LMCD1: variants seen among roughly 807,000 people sequenced by gnomAD.
The protein encoded by LMCD1 is LIM and cysteine-rich domains protein 1.
LMCD1 carries 32 observed loss-of-function variants against 42.7 expected under a neutral mutation model. The observed-to-expected ratio is 0.75, with a 90% CI of 0.57 to 1.01. LMCD1 has a LOEUF of 1.01. Ranked by LOEUF, LMCD1 falls within the 50% of genes least tolerant of loss-of-function variation. The pLI is 0.00. For synonymous variants in LMCD1, 178 were observed against 184.9 expected, an observed-to-expected ratio of 0.96 and a Z score of 0.30; for missense variants, 458 against 483.1, an observed-to-expected ratio of 0.95 and a Z score of 0.49.
At chr3:8,556,563 C>T (rs1039276866) in intron 4 of LMCD1, among the ~76,000 whole-genome samples, 1 of 152,176 alleles carries the variant, frequency 6.6e-6, no homozygotes, top group Non-Finnish European at 1.5e-5. Flanking sequence ...CCAGACCTGC[C>T]TCACTCCAAA....
chr3:8,550,479 T>C, intron 4 of LMCD1: 1 of 985,234 alleles, frequency 1.0e-6, no homozygotes, highest in Non-Finnish European at 1.2e-6. Context: ...TCCCTTGTAG[T>C]CACTCAAGCT....
intron 3 of LMCD1, among the ~76,000 whole-genome samples, chr3:8,546,718 AAG>A (rs1187733063): frequency 6.6e-6 from 1 of 152,080 alleles, no homozygotes; most frequent in African/African-American, 2.4e-5. Context: ...AACAGGAAAG[AAG>A]AGAGAGGGCT....
chr3:8,529,263 CTATT>C lies in LMCD1; in HGVS notation c.43-3469_43-3466del, dbSNP rs139699713. Among the ~76,000 whole-genome samples, 279 of 152,278 alleles carry C rather than the reference CTATT, an allele frequency of 1.8e-3. 1 individual carries two copies. The highest frequency in any genetic ancestry group is 3.2e-3 in the Non-Finnish European group (216 of 68,028). On this transcript the variant is annotated intron_variant, in intron 1 of 5. Coordinates refer to ENST00000157600, the MANE Select transcript of LMCD1 (RefSeq NM_014583.4). ...TGAATGGCATGCAGTGGACAAATGA[CTATT>C]TATTGCATTAAACAGTCAGCCAGGA... is the stretch of plus-strand genomic sequence containing the variant.
chr3:8,557,224 G>A (rs974932906), intron 4 of LMCD1, among the ~76,000 whole-genome samples: 1 of 152,208 alleles, frequency 6.6e-6, no homozygotes, highest in Non-Finnish European at 1.5e-5. Flanking sequence ...AATGATGTTA[G>A]ACTACAGAAG....
intron 3 of LMCD1, among the ~76,000 whole-genome samples, chr3:8,545,519 AG>A (rs1694718641): frequency 6.6e-6 from 1 of 152,194 alleles, no homozygotes; most frequent in Non-Finnish European, 1.5e-5. Flanking sequence ...ATCTCTGTCC[AG>A]TGCTCGAGAA....
chr3:8,506,894 T>G (rs907682671), intron 1 of LMCD1, among the ~76,000 whole-genome samples: 3 of 152,210 alleles, frequency 2.0e-5, no homozygotes, highest in Non-Finnish European at 4.4e-5. Flanking sequence ...TTACACCAGA[T>G]CATCTCCCAA....
intron 4 of LMCD1, among the ~76,000 whole-genome samples, chr3:8,556,416 ATG>A (rs3836467): frequency 6.7e-6 from 1 of 150,296 alleles, no homozygotes; most frequent in Non-Finnish European, 1.5e-5. Context: ...GTGTGTGTGT[ATG>A]TGTGTGTGTG....
At chr3:8,551,131 C>A in intron 4 of LMCD1, 1 of 985,320 alleles carries the variant, frequency 1.0e-6, no homozygotes, top group Non-Finnish European at 1.2e-6. Context: ...CTTCTATGTC[C>A]CTGCCCCAAC....
chr3:8,565,614 G>C lies in LMCD1; in HGVS notation c.906G>C (p.Glu302Asp), dbSNP rs748341812. The C allele has an allele frequency of 6.2e-7, 1 of 1,611,220 alleles. No homozygotes were observed. Among genetic ancestry groups the C allele is most frequent in the Non-Finnish European group, 8.5e-7 (1 of 1,178,958 alleles). The change falls in exon 5 of 6, where the codon GAG becomes GAC. Residue 302 changes from glutamate to aspartate, a missense_variant. Glu to Asp is a conservative substitution (Grantham distance 45, BLOSUM62 2). Transcript: ENST00000157600. The part of the protein sequence containing the change: ...GAPWCGRHYC[E>D]SLRPRCSGCD... ...CCTGGTGCGGCCGCCATTACTGCGA[G>C]AGTCTGCGGCCCCGGTGCTCCGGCT...
intron 4 of LMCD1, chr3:8,550,634 C>G: frequency 1.0e-6 from 1 of 984,936 alleles, no homozygotes; most frequent in Non-Finnish European, 1.2e-6. Flanking sequence ...GGCAGTGACG[C>G]ATAAAAGGCC....
At chr3:8,506,944 T>C (rs559238989) in intron 1 of LMCD1, among the ~76,000 whole-genome samples, 1 of 152,308 alleles carries the variant, frequency 6.6e-6, no homozygotes, top group Non-Finnish European at 1.5e-5. Context: ...AAAACTTCGT[T>C]CCACTGAAAG....
intron 3 of LMCD1, among the ~76,000 whole-genome samples, chr3:8,548,343 G>A (rs902702867): frequency 2.7e-5 from 4 of 150,864 alleles, no homozygotes; most frequent in African/African-American, 7.4e-5. Context: ...TTTCTCTCAT[G>A]TGTGTTTTAT....
intron 3 of LMCD1, among the ~76,000 whole-genome samples, chr3:8,543,353 C>T (rs1310862615): frequency 1.3e-5 from 2 of 150,970 alleles, no homozygotes; most frequent in African/African-American, 4.9e-5. Context: ...GTCAGAGCCA[C>T]CCAGGAGAAA....
intron 2 of LMCD1, among the ~76,000 whole-genome samples, chr3:8,534,008 T>C (rs1694463759): frequency 6.6e-6 from 1 of 151,882 alleles, no homozygotes; most frequent in Admixed American, 6.6e-5. Flanking sequence ...TAAACACTCC[T>C]AGGAGGAGTT....
intron 3 of LMCD1, 119 bp downstream of exon 3, chr3:8,537,559 G>T (rs1033527594): frequency 5.2e-6 from 6 of 1,161,114 alleles, no homozygotes; most frequent in Non-Finnish European, 7.2e-6. Context: ...AAAATGACAG[G>T]AGTGGCTGTG....
At chr3:8,506,793 G>T (rs151262012) in intron 1 of LMCD1, among the ~76,000 whole-genome samples, 102 of 152,206 alleles carry the variant, frequency 6.7e-4, no homozygotes, top group African/African-American at 2.3e-3. Context: ...TTACTCACTG[G>T]GTGACTTTGG....
At chr3:8,558,404 T>C (rs1694966248) in intron 4 of LMCD1, among the ~76,000 whole-genome samples, 1 of 152,210 alleles carries the variant, frequency 6.6e-6, no homozygotes. Context: ...GCCATTAGAA[T>C]AAGGAACAAG....
intron 1 of LMCD1, among the ~76,000 whole-genome samples, 170 bp downstream of exon 1, chr3:8,502,150 AC>A (rs944947634): frequency 2.4e-4 from 36 of 146,976 alleles, no homozygotes; most frequent in Non-Finnish European, 4.4e-4. Flanking sequence ...AGGCACACAC[AC>A]CCCAAACCCA....
At chr3:8,557,341 G>A (rs1043353562) in intron 4 of LMCD1, among the ~76,000 whole-genome samples, 1 of 152,238 alleles carries the variant, frequency 6.6e-6, no homozygotes, top group Non-Finnish European at 1.5e-5. Flanking sequence ...TAAACAAATT[G>A]TTGAGTATTT....
Sources: allele counts gnomAD v4.1 joint callset (sites outside exome capture counted in the v4.1 genomes callset), GRCh38; gene constraint gnomAD v4.1.1; transcripts MANE v1.5; gene names NCBI Gene and HGNC (gene_info 2026-07-23, HGNC 2026-07-21).